The following LHPP variants were observed in gnomAD, a reference collection of about 807,000 sequenced individuals.
The protein encoded by LHPP is hLHPP.
A neutral mutation model predicts 30.3 loss-of-function variants in LHPP; 24 were observed. That is an observed-to-expected ratio of 0.79 (90% CI 0.57 to 1.11). The LOEUF (loss-of-function observed/expected upper bound fraction) is 1.11. Ranked by LOEUF, LHPP falls within the 50% of genes most tolerant of loss-of-function variation. The pLI, the probability that LHPP is intolerant of heterozygous loss-of-function variation, is 0.00. For synonymous variants in LHPP, 150 were observed against 157.1 expected (o/e 0.95, Z 0.34); for missense variants, 356 against 367.2 (o/e 0.97, Z 0.25).
At chr10:124,514,512 C>T (rs562261143) in intron 5 of LHPP, among the ~76,000 whole-genome samples, 2 of 152,176 alleles carry the variant, frequency 1.3e-5, no homozygotes, top group Non-Finnish European at 2.9e-5. Context: ...AGACGGCACT[C>T]CACAGTCTTC....
chr10:124,595,140 C>T (rs1948927148), intron 6 of LHPP, among the ~76,000 whole-genome samples: 1 of 152,244 alleles, frequency 6.6e-6, no homozygotes, highest in African/African-American at 2.4e-5. Context: ...GTGACAGCCT[C>T]TGGTCCCCTC....
At chr10:124,491,570 C>A (rs1311552797) in intron 3 of LHPP, among the ~76,000 whole-genome samples, 3 of 152,140 alleles carry the variant, frequency 2.0e-5, no homozygotes, top group Admixed American at 2.0e-4. Context: ...TGTGGCTGAC[C>A]CCAGACCCTG....
chr10:124,529,040 T>C (rs1017321245), intron 6 of LHPP, among the ~76,000 whole-genome samples: 1 of 145,640 alleles, frequency 6.9e-6, no homozygotes, highest in Non-Finnish European at 1.5e-5. Context: ...TTTTTTTTTT[T>C]TTTTTTTTTG....
intron 6 of LHPP, among the ~76,000 whole-genome samples, chr10:124,610,317 T>TGGGTGCTGGTGGAGCGGGTGA (rs1949155731): frequency 4.8e-5 from 1 of 20,780 alleles, no homozygotes; most frequent in Non-Finnish European, 1.3e-4. Context: ...GGTGCGGGTG[T>TGGGTGCTGGTGGAGCGGGTGA]GGGTGCGGGT....
intron 6 of LHPP, among the ~76,000 whole-genome samples, chr10:124,539,596 C>T (rs566470077): frequency 3.9e-5 from 6 of 152,220 alleles, no homozygotes; most frequent in South Asian, 2.1e-4. Flanking sequence ...ATTAGCCAGG[C>T]GTGGTGGCTC....
intron 1 of LHPP, among the ~76,000 whole-genome samples, chr10:124,467,722 G>GTTGTTGTTA (rs781365218): frequency 8.2e-4 from 123 of 149,818 alleles, no homozygotes; most frequent in Non-Finnish European, 1.4e-3. Flanking sequence ...TGTTGTTGTT[G>GTTGTTGTTA]TTGTTGTTGT....
At chr10:124,546,621 A>G (rs1256885724) in intron 6 of LHPP, among the ~76,000 whole-genome samples, 1 of 151,960 alleles carries the variant, frequency 6.6e-6, no homozygotes, top group Non-Finnish European at 1.5e-5. Flanking sequence ...CATGTTAGCC[A>G]GGATGGTCTT....
intron 6 of LHPP, among the ~76,000 whole-genome samples, chr10:124,602,992 A>G (rs924668110): frequency 3.9e-5 from 6 of 152,148 alleles, no homozygotes; most frequent in Non-Finnish European, 7.4e-5. Flanking sequence ...CCTCCTGGAC[A>G]GGTGGGAGGG....
intron 1 of LHPP, among the ~76,000 whole-genome samples, chr10:124,480,510 C>G (rs1296851327): frequency 2.6e-5 from 4 of 152,166 alleles, no homozygotes; most frequent in African/African-American, 9.7e-5. Flanking sequence ...CTGAGAAGGT[C>G]ACATCATCAT....
chr10:124,604,517 C>T (rs914285841), intron 6 of LHPP, among the ~76,000 whole-genome samples: 1 of 152,178 alleles, frequency 6.6e-6, no homozygotes, highest in Non-Finnish European at 1.5e-5. Flanking sequence ...TGGAGGCAGA[C>T]CTCCCAGCTG....
chr10:124,578,701 C>G (rs559255889), intron 6 of LHPP, among the ~76,000 whole-genome samples: 5 of 152,324 alleles, frequency 3.3e-5, no homozygotes, highest in Admixed American at 6.5e-5. Context: ...GGATGCAGGG[C>G]TTACACCGCG....
intron 5 of LHPP, among the ~76,000 whole-genome samples, chr10:124,508,778 T>C (rs1333403067): frequency 6.6e-6 from 1 of 152,210 alleles, no homozygotes; most frequent in African/African-American, 2.4e-5. Context: ...CAATTTTTTG[T>C]GTCTATATAT....
chr10:124,529,026 CT>C (rs4022274), intron 6 of LHPP, among the ~76,000 whole-genome samples: 13,326 of 77,914 alleles, frequency 0.17, 543 homozygotes, highest in Non-Finnish European at 0.2. Context: ...TTGGGGGATT[CT>C]TTTTTTTTTT....
intron 5 of LHPP, among the ~76,000 whole-genome samples, chr10:124,508,263 G>A (rs868045000): frequency 1.3e-5 from 2 of 152,148 alleles, no homozygotes; most frequent in South Asian, 4.1e-4. Flanking sequence ...TCCCAGCCGT[G>A]GGCATTTTCT....
chr10:124,612,260 G>A (rs2134024642), intron 6 of LHPP, among the ~76,000 whole-genome samples: 1 of 152,232 alleles, frequency 6.6e-6, no homozygotes. Context: ...TACAAAAAAA[G>A]CCGGGCGTGG....
intron 6 of LHPP, among the ~76,000 whole-genome samples, chr10:124,608,688 AG>A (rs1259886219): frequency 1.4e-5 from 2 of 146,534 alleles, no homozygotes; most frequent in Non-Finnish European, 3.0e-5. Flanking sequence ...TCTCGCTCAG[AG>A]GGACCCCCAC....
At chr10:124,559,345 G>A (rs745595173) in intron 6 of LHPP, among the ~76,000 whole-genome samples, 8 of 152,352 alleles carry the variant, frequency 5.3e-5, no homozygotes, top group South Asian at 2.1e-4. Context: ...CTCTCTTGGC[G>A]TTGACCATCT....
intron 6 of LHPP, among the ~76,000 whole-genome samples, chr10:124,543,838 A>C: frequency 6.6e-6 from 1 of 152,246 alleles, no homozygotes; most frequent in East Asian, 1.9e-4. Context: ...AGAAAATCAC[A>C]AAGAAAATAA....
At chr10:124,549,897 T>C (rs1216677547) in intron 6 of LHPP, among the ~76,000 whole-genome samples, 3 of 152,246 alleles carry the variant, frequency 2.0e-5, no homozygotes, top group Non-Finnish European at 4.4e-5. Context: ...AATGCCTACT[T>C]AGTTGAATGT....
Sources: allele counts gnomAD v4.1 joint callset (sites outside exome capture counted in the v4.1 genomes callset), GRCh38; gene constraint gnomAD v4.1.1; transcripts MANE v1.5; gene names NCBI Gene and HGNC (gene_info 2026-07-23, HGNC 2026-07-21).